The following PCDH9 variants were observed in gnomAD, a reference collection of about 807,000 sequenced individuals.
The protein encoded by PCDH9 is protocadherin-9.
PCDH9 carries 24 observed loss-of-function variants against 70.6 expected under a neutral mutation model. The observed-to-expected ratio is 0.34, with a 90% CI of 0.25 to 0.48. PCDH9 has a LOEUF of 0.48. Ranked by LOEUF, PCDH9 falls within the 20% of genes least tolerant of loss-of-function variation. The pLI is 0.99. For missense variants in PCDH9, 1,281 were observed against 1,503.6 expected, an observed-to-expected ratio of 0.85 and a Z score of 2.45; for synonymous variants, 562 against 558.5, an observed-to-expected ratio of 1.01 and a Z score of -0.09.
At chr13:66,638,926 T>A (rs1401090584) in intron 3 of PCDH9, among the ~76,000 whole-genome samples, 1 of 152,226 alleles carries the variant, frequency 6.6e-6, no homozygotes, top group Non-Finnish European at 1.5e-5. Context: ...CTTTGAATTT[T>A]TACATTTTAG....
intron 4 of PCDH9, among the ~76,000 whole-genome samples, chr13:66,363,338 T>C (rs1197905367): frequency 2.6e-5 from 4 of 152,352 alleles, no homozygotes; most frequent in East Asian, 1.9e-4. Context: ...TATTCTCTTG[T>C]ATCTTTTTAG....
At chr13:66,837,857 T>G (rs1448812925) in intron 3 of PCDH9, among the ~76,000 whole-genome samples, 1 of 152,180 alleles carries the variant, frequency 6.6e-6, no homozygotes, top group African/African-American at 2.4e-5. Flanking sequence ...AGGACACAAC[T>G]GCCAAACACA....
chr13:67,099,041 A>T (rs2086379472), intron 2 of PCDH9, among the ~76,000 whole-genome samples: 1 of 152,186 alleles, frequency 6.6e-6, no homozygotes, highest in South Asian at 2.1e-4. Context: ...TTGCATTAAA[A>T]TCTGTGGATT....
chr13:67,131,077 G>C (rs1306857233), intron 2 of PCDH9, among the ~76,000 whole-genome samples: 1 of 152,150 alleles, frequency 6.6e-6, no homozygotes, highest in African/African-American at 2.4e-5. Flanking sequence ...AATGACAAAT[G>C]AGAACAGAGA....
At chr13:66,763,162 AC>A (rs2079655434) in intron 3 of PCDH9, among the ~76,000 whole-genome samples, 2 of 149,970 alleles carry the variant, frequency 1.3e-5, no homozygotes, top group South Asian at 4.2e-4. Flanking sequence ...GTAGGTATTT[AC>A]AAATATATAT....
intron 2 of PCDH9, among the ~76,000 whole-genome samples, chr13:67,092,877 CCCAG>C (rs763528097): frequency 1.4e-4 from 21 of 152,038 alleles, no homozygotes; most frequent in Non-Finnish European, 2.9e-4. Flanking sequence ...ATTTCCGAGG[CCCAG>C]CCAGCCATCA....
chr13:66,664,568 G>A (rs116756426), intron 3 of PCDH9, among the ~76,000 whole-genome samples: 130 of 152,120 alleles, frequency 8.5e-4, no homozygotes, highest in African/African-American at 2.9e-3. Context: ...GTAGACAACA[G>A]TATGACTCCT....
chr13:66,665,369 A>G (rs1335720315), intron 3 of PCDH9, among the ~76,000 whole-genome samples: 2 of 152,094 alleles, frequency 1.3e-5, no homozygotes, highest in African/African-American at 2.4e-5. Context: ...AAGTGCTGGG[A>G]TTACAGGTGT....
intron 2 of PCDH9, among the ~76,000 whole-genome samples, chr13:67,038,941 A>G (rs923604354): frequency 1.3e-5 from 2 of 152,130 alleles, no homozygotes; most frequent in African/African-American, 4.8e-5. Context: ...AAAAAGACTA[A>G]ACCTTGATTA....
chr13:66,497,003 C>G (rs1403703773), intron 4 of PCDH9, among the ~76,000 whole-genome samples: 3 of 152,062 alleles, frequency 2.0e-5, no homozygotes, highest in African/African-American at 7.2e-5. Flanking sequence ...CCCCTAAAAT[C>G]CCCATATTGG....
intron 4 of PCDH9, among the ~76,000 whole-genome samples, chr13:66,360,790 T>C (rs561676430): frequency 2.0e-5 from 3 of 152,106 alleles, no homozygotes; most frequent in Non-Finnish European, 4.4e-5. Flanking sequence ...AGTGAAGATT[T>C]TTTTTTAACC....
intron 4 of PCDH9, among the ~76,000 whole-genome samples, chr13:66,353,878 G>A (rs1322246229): frequency 2.0e-5 from 3 of 152,208 alleles, no homozygotes; most frequent in Non-Finnish European, 2.9e-5. Context: ...AATATCGCAT[G>A]CTTGGAAAAA....
At chr13:66,577,788 T>C (rs1160176724) in intron 4 of PCDH9, among the ~76,000 whole-genome samples, 1 of 152,024 alleles carries the variant, frequency 6.6e-6, no homozygotes, top group East Asian at 1.9e-4. Context: ...TTTAGCACTT[T>C]GACTGAGGAT....
intron 3 of PCDH9, among the ~76,000 whole-genome samples, chr13:66,834,057 C>T (rs1427359429): frequency 6.6e-6 from 1 of 151,876 alleles, no homozygotes; most frequent in East Asian, 1.9e-4. Context: ...CAATATGGCA[C>T]ACTTCATATA....
chr13:66,841,703 A>C (rs563515678), intron 3 of PCDH9, among the ~76,000 whole-genome samples: 14 of 152,312 alleles, frequency 9.2e-5, no homozygotes, highest in African/African-American at 3.4e-4. Flanking sequence ...TATAATAAAA[A>C]TTATTATTTT....
intron 3 of PCDH9, among the ~76,000 whole-genome samples, chr13:66,903,246 C>T (rs2082306146): frequency 6.6e-6 from 1 of 151,456 alleles, no homozygotes; most frequent in African/African-American, 2.4e-5. Context: ...AGGTAAAAAT[C>T]AGTACTTTTC....
At chr13:66,379,420 A>G (rs1021542482) in intron 4 of PCDH9, among the ~76,000 whole-genome samples, 1 of 152,200 alleles carries the variant, frequency 6.6e-6, no homozygotes, top group African/African-American at 2.4e-5. Context: ...TATAAATATA[A>G]ATTAGTGTCA....
chr13:67,117,410 A>T (rs1310043933), intron 2 of PCDH9, among the ~76,000 whole-genome samples: 1 of 152,048 alleles, frequency 6.6e-6, no homozygotes, highest in South Asian at 2.1e-4. Context: ...TGCATATCCA[A>T]GTGGAAGTAA....
intron 2 of PCDH9, among the ~76,000 whole-genome samples, chr13:67,028,133 G>A (rs1427704843): frequency 1.3e-4 from 20 of 148,822 alleles, no homozygotes; most frequent in South Asian, 4.5e-4. Flanking sequence ...TGTTTCTTGC[G>A]GCACTATTCA....
Sources: gnomAD v4.1 joint callset for allele counts (sites outside exome capture counted in the v4.1 genomes callset) on GRCh38, gnomAD v4.1.1 for gene constraint, MANE v1.5 for transcripts, NCBI Gene and HGNC (gene_info 2026-07-23, HGNC 2026-07-21) for gene names.